The following AAK1 variants were observed in gnomAD, a reference collection of about 807,000 sequenced individuals.
AAK1 encodes the protein AP2-associated protein kinase 1.
AAK1 carries 37 observed loss-of-function variants against 116.0 expected under a neutral mutation model. That is an observed-to-expected ratio of 0.32 (90% confidence interval 0.25 to 0.42). The LOEUF is 0.42. Among genes scored for constraint, AAK1 ranks in the 10% least tolerant of loss-of-function variants. The pLI, the probability that AAK1 is intolerant of heterozygous loss-of-function variation, is 1.00. For missense variants in AAK1, 919 were observed against 1,170.6 expected (o/e 0.79, Z 3.14); for synonymous variants, 458 against 439.9 (o/e 1.04, Z -0.51).
chr2:69,617,272 T>C (rs1451872874), intron 2 of AAK1, among the ~76,000 whole-genome samples: 2 of 152,254 alleles, frequency 1.3e-5, no homozygotes, highest in Admixed American at 6.5e-5. Flanking sequence ...CAATTATCTC[T>C]AACTTTAAGG....
Position 69,464,194 on chromosome 2 carries a change from AAAC to A in AAK1, c.*11672_*11674del, listed in dbSNP as rs141290500. The A allele has an allele frequency of 7.2e-3, 1,081 of 150,688 alleles. 3 individuals are homozygous for A. Among genetic ancestry groups the A allele is most frequent in the African/African-American group, 9.5e-3 (387 of 40,642 alleles). 9.3% of individuals were successfully genotyped at this position (150,688 alleles called of 1,614,324 possible). A position where few individuals can be genotyped will look rare whatever the true frequency, so the allele number is the denominator to read the frequency against. On this transcript the variant is annotated 3_prime_UTR_variant, in exon 22 of 22. Coordinates refer to ENST00000409085, the MANE Select transcript of AAK1 (RefSeq NM_014911.5). ...TCCTCAAAAGGCAGTAGAGATTTGG[AAAC>A]AACAACAACAACAACAACAACAACA...
At chr2:69,582,325 CTT>C (rs1672579935) in intron 2 of AAK1, among the ~76,000 whole-genome samples, 1 of 152,154 alleles carries the variant, frequency 6.6e-6, no homozygotes, top group African/African-American at 2.4e-5. Flanking sequence ...ACTGAGAACA[CTT>C]AGAATAGAAT....
intron 17 of AAK1, among the ~76,000 whole-genome samples, chr2:69,494,094 C>T (rs1675646773): frequency 6.6e-6 from 1 of 152,092 alleles, no homozygotes; most frequent in South Asian, 2.1e-4. Context: ...TCTGACAGAT[C>T]AGAAAGTAAA....
At chr2:69,633,871 C>G (rs1675325848) in intron 2 of AAK1, among the ~76,000 whole-genome samples, 1 of 152,076 alleles carries the variant, frequency 6.6e-6, no homozygotes, top group Non-Finnish European at 1.5e-5. Flanking sequence ...TATTAAAGGT[C>G]AACAATGTTA....
intron 14 of AAK1, among the ~76,000 whole-genome samples, chr2:69,508,971 G>A (rs1359850647): frequency 6.6e-6 from 1 of 152,160 alleles, no homozygotes; most frequent in Non-Finnish European, 1.5e-5. Flanking sequence ...GAGAACAGTG[G>A]GCCAAGTAGG....
chr2:69,595,895 T>C (rs753879988), intron 2 of AAK1, among the ~76,000 whole-genome samples: 3 of 152,216 alleles, frequency 2.0e-5, no homozygotes, highest in Admixed American at 6.5e-5. Flanking sequence ...CTGGTGACTT[T>C]AGGTTAAAGC....
chr2:69,500,532 T>C (rs1675925572), intron 16 of AAK1, among the ~76,000 whole-genome samples: 1 of 151,826 alleles, frequency 6.6e-6, no homozygotes, highest in Admixed American at 6.6e-5. Context: ...GAGGATCACC[T>C]GAGATAATGA....
intron 2 of AAK1, among the ~76,000 whole-genome samples, chr2:69,618,645 C>T (rs1205196861): frequency 6.6e-6 from 1 of 151,836 alleles, no homozygotes; most frequent in Non-Finnish European, 1.5e-5. Flanking sequence ...GTACTTCCCC[C>T]TCTGGCTCAG....
chr2:69,641,890 G>T (rs574329167), intron 2 of AAK1, among the ~76,000 whole-genome samples: 1 of 152,236 alleles, frequency 6.6e-6, no homozygotes, highest in Admixed American at 6.5e-5. Flanking sequence ...ACAACCTACA[G>T]CAGGTTGGCC....
intron 2 of AAK1, among the ~76,000 whole-genome samples, chr2:69,561,672 C>A (rs1287400620): frequency 2.0e-5 from 3 of 152,172 alleles, no homozygotes; most frequent in Non-Finnish European, 4.4e-5. Context: ...ACTGTATATA[C>A]CCGCACGAGT....
Position 69,615,028 on chromosome 2 carries a change from G to A in AAK1, c.163+27850C>T, listed in dbSNP as rs1674260110. ...AATCTCTACTGGTGTAAGCCACCCA[G>A]TTTGTGGTCATTTGTTACTGTGGCC... On this transcript the variant is annotated intron_variant, in intron 2 of 21. Coordinates refer to ENST00000409085, the MANE Select transcript of AAK1 (RefSeq NM_014911.5). Among the ~76,000 whole-genome samples the A allele has an allele frequency of 2.0e-5, 3 of 152,172 alleles. No homozygotes were observed. In the South Asian group the frequency reaches 6.2e-4, roughly 32 times the overall value.
rs1371833179 is a variant in AAK1, at chr2:69,545,793, C to T, written c.283-1249G>A. On this transcript the variant is annotated intron_variant, in intron 3 of 21. Transcript: ENST00000409085. Reference sequence around the variant, plus strand: ...GCAGATGGAAGTCACTGGAGACTTACGTGAGAGTAGTTTCACAGAACAGAT... The same window carrying T: ...GCAGATGGAAGTCACTGGAGACTTATGTGAGAGTAGTTTCACAGAACAGAT... Among the ~76,000 whole-genome samples the T allele has an allele frequency of 3.3e-5, 5 of 152,120 alleles. 1 individual carries two copies. The highest frequency in any genetic ancestry group is 2.6e-4 in the Admixed American group (4 of 15,266).
rs1470234436 is a variant in AAK1 at position 69,472,485 on chromosome 2, C to G, written c.*3384G>C. The G allele has an allele frequency of 1.9e-6, 1 of 528,360 alleles. No homozygotes were observed. The highest frequency in any genetic ancestry group is 2.4e-6 in the Non-Finnish European group (1 of 412,698). The allele number at this position is 528,360 out of a possible 1,614,324, so 32.7% of individuals were successfully genotyped here. ...ATAAGTATTAACTTCTTAAGTAAAA[C>G]TAGATGACATTGAGGGGAACAACAC... On this transcript the variant is annotated 3_prime_UTR_variant, in exon 22 of 22. Transcript: ENST00000409085.
At position 69,509,294 on chromosome 2, in the gene AAK1, G is replaced by C; in HGVS notation, c.1943C>G (p.Pro648Arg). 5.0e-6 allele frequency: 8 copies of C among 1,613,980 alleles called. No homozygotes were observed. The highest frequency in any genetic ancestry group is 6.8e-6 in the Non-Finnish European group (8 of 1,179,884). ...GAGCAGCTGGGTTGATTTGCTGGCA[G>C]GGACCCCAAAGACTGCACTGTGGGT... The part of the protein sequence containing the change: ...DVTHSAVFGV[P>R]ASKSTQLLQA... Residue 648 changes from proline (P) to arginine (R), a missense_variant, in exon 14 of 22, where the codon CCT becomes CGT. By Grantham distance (103) the Pro-to-Arg change is moderately radical. Around this residue, in one of 4 missense-constraint regions of AAK1, gnomAD observed 125 missense variants for 184.1 expected, o/e 0.68. Coordinates refer to ENST00000409085, the MANE Select transcript of AAK1 (RefSeq NM_014911.5).
chr2:69,605,325 C>G (rs1046506656), intron 2 of AAK1, among the ~76,000 whole-genome samples: 1 of 152,222 alleles, frequency 6.6e-6, no homozygotes, highest in Non-Finnish European at 1.5e-5. Context: ...GCTTCCCAAG[C>G]ATCTTACATG....
intron 2 of AAK1, among the ~76,000 whole-genome samples, chr2:69,592,905 G>A (rs1673095370): frequency 6.6e-6 from 1 of 152,194 alleles, no homozygotes; most frequent in Non-Finnish European, 1.5e-5. Context: ...TAGTTGCTGT[G>A]TTAAGTTCTT....
chr2:69,543,419 T>C (rs1320203396), intron 4 of AAK1, among the ~76,000 whole-genome samples: 1 of 151,492 alleles, frequency 6.6e-6, no homozygotes, highest in Non-Finnish European at 1.5e-5. Context: ...TAGTATCTTC[T>C]TTTTTTTGAG....
intron 13 of AAK1, 94 bp downstream of exon 13, chr2:69,514,377 C>T: frequency 7.0e-7 from 1 of 1,437,118 alleles, no homozygotes; most frequent in Non-Finnish European, 9.2e-7. Flanking sequence ...AACCTGGACC[C>T]TCATCAGCTG....
At chr2:69,548,740 G>A (rs1218032927) in intron 3 of AAK1, among the ~76,000 whole-genome samples, 1 of 152,034 alleles carries the variant, frequency 6.6e-6, no homozygotes, top group Non-Finnish European at 1.5e-5. Context: ...AAGTAGCTGG[G>A]ACTACAGGCA....
Sources: gnomAD v4.1 joint callset for allele counts (sites outside exome capture counted in the v4.1 genomes callset) on GRCh38, gnomAD v4.1.1 for gene constraint, gnomAD v4.1.1 regional missense constraint, MANE v1.5 for transcripts, NCBI Gene and HGNC (gene_info 2026-07-23, HGNC 2026-07-21) for gene names.